Variants in ATRNL1 observed in about 807,000 individuals in gnomAD.
ATRNL1 encodes the protein attractin like 1, also known as attractin-like protein 1.
In ATRNL1, 95 loss-of-function variants were observed where a neutral mutation model predicts 182.7. The observed-to-expected ratio is 0.52, with a 90% confidence interval of 0.44 to 0.62. The LOEUF (loss-of-function observed/expected upper bound fraction) is 0.62. Ranked by LOEUF, ATRNL1 falls within the 20% of genes least tolerant of loss-of-function variation. ATRNL1 has a pLI of 0.00. For synonymous variants in ATRNL1, 576 were observed against 568.3 expected (o/e 1.01, Z -0.19); for missense variants, 1,471 against 1,679.5 (o/e 0.88, Z 2.17).
chr10:115,598,106 G>A (rs1333130982), intron 26 of ATRNL1: 1 of 152,488 alleles, frequency 6.6e-6, no homozygotes, highest in Non-Finnish European at 1.5e-5. Context: ...TGCATGGTAG[G>A]TGAGGAAGGA....
chr10:115,775,393 A>G (rs1949097937), intron 27 of ATRNL1, among the ~76,000 whole-genome samples: 1 of 152,188 alleles, frequency 6.6e-6, no homozygotes, highest in Non-Finnish European at 1.5e-5. Flanking sequence ...TTCTTTCTTA[A>G]TAGATTGACT....
intron 26 of ATRNL1, among the ~76,000 whole-genome samples, chr10:115,702,078 G>C (rs1946755411): frequency 6.6e-6 from 1 of 151,876 alleles, no homozygotes; most frequent in Admixed American, 6.6e-5. Context: ...CACCATGATT[G>C]AGTAGCTACA....
intron 26 of ATRNL1, among the ~76,000 whole-genome samples, chr10:115,588,817 AAGG>A (rs1413611711): frequency 8.5e-5 from 13 of 152,172 alleles, no homozygotes; most frequent in Admixed American, 8.5e-4. Context: ...GCATCTATGG[AAGG>A]AGGGAAAATC....
intron 25 of ATRNL1, among the ~76,000 whole-genome samples, chr10:115,543,114 C>A (rs1852453018): frequency 6.6e-6 from 1 of 150,736 alleles, no homozygotes; most frequent in African/African-American, 2.4e-5. Flanking sequence ...TTCTTTATAC[C>A]AGTTTGAGTT....
chr10:115,529,240 C>G (rs1158788347), intron 25 of ATRNL1, among the ~76,000 whole-genome samples: 3 of 151,858 alleles, frequency 2.0e-5, no homozygotes, highest in African/African-American at 7.2e-5. Flanking sequence ...TTGGATTTCT[C>G]TCTGTTCCTA....
rs1346745557 is a variant in ATRNL1, at chr10:115,560,995, CAAAT to C, written c.3795+11463_3795+11466del. On this transcript the variant is annotated intron_variant, in intron 26 of 28. Coordinates refer to ENST00000355044, the MANE Select transcript of ATRNL1 (RefSeq NM_207303.4). ...GACCCATTACTCGTATCACCATACA[CAAAT>C]AAAGTCAATAGGAATCGATACACCA... Among the ~76,000 whole-genome samples, 131 of 152,086 alleles carry C rather than the reference CAAAT, an allele frequency of 8.6e-4. 2 individuals are homozygous for C. The highest frequency in any genetic ancestry group is 3.5e-4 in the Non-Finnish European group (24 of 68,024).
chr10:115,251,363 G>C (rs985732000), intron 10 of ATRNL1, among the ~76,000 whole-genome samples: 20 of 152,174 alleles, frequency 1.3e-4, no homozygotes, highest in African/African-American at 4.1e-4. Context: ...AATGTGGTAG[G>C]TGTTGTGCCA....
chr10:115,841,274 A>G (rs1457587018), intron 27 of ATRNL1, among the ~76,000 whole-genome samples: 1 of 152,188 alleles, frequency 6.6e-6, no homozygotes, highest in East Asian at 1.9e-4. Context: ...AGCTGTCACA[A>G]TCCAGCCTCT....
chr10:115,223,927 A>ATT, intron 9 of ATRNL1, among the ~76,000 whole-genome samples: 2 of 38,176 alleles, frequency 5.2e-5, no homozygotes, highest in South Asian at 6.7e-4. Context: ...ATATATATAT[A>ATT]TATTTTTTTT....
At chr10:115,593,215 T>TATGA (rs1856019716) in intron 26 of ATRNL1, among the ~76,000 whole-genome samples, 1 of 152,222 alleles carries the variant, frequency 6.6e-6, no homozygotes, top group Admixed American at 6.5e-5. Context: ...ACTCCCTTGA[T>TATGA]ATGAACATCA....
chr10:115,521,527 A>G (rs1554985200), intron 25 of ATRNL1, among the ~76,000 whole-genome samples: 2 of 152,198 alleles, frequency 1.3e-5, no homozygotes, highest in African/African-American at 2.4e-5. Context: ...AAATTTCACA[A>G]AGTTGAATAT....
rs138233063 is a variant in ATRNL1 at position 115,289,426 on chromosome 10, C to G, written c.2415+3029C>G. Among the ~76,000 whole-genome samples, 832 of 152,170 alleles carry G rather than the reference C, an allele frequency of 5.5e-3. 11 individuals carry two copies. Among genetic ancestry groups the G allele is most frequent in the African/African-American group, 0.019 (800 of 41,506 alleles). On this transcript the variant is annotated intron_variant, in intron 15 of 28. Transcript: ENST00000355044. ...TTTATTTTTGCTTTAGTTTCCTGTG[C>G]TTTTGAGGTCTTGTTCATAAAATCT...
intron 24 of ATRNL1, among the ~76,000 whole-genome samples, chr10:115,490,772 T>C (rs1849260206): frequency 6.6e-6 from 1 of 152,172 alleles, no homozygotes; most frequent in South Asian, 2.1e-4. Flanking sequence ...GTTCCCTTGC[T>C]GGTGAGGAGT....
At chr10:115,270,897 A>G (rs1322546586) in intron 13 of ATRNL1, among the ~76,000 whole-genome samples, 2 of 152,154 alleles carry the variant, frequency 1.3e-5, no homozygotes, top group African/African-American at 4.8e-5. Context: ...ACCTATACAT[A>G]TCTACATAAA....
At chr10:115,286,131 C>G in intron 14 of ATRNL1, 85 bp from the exon 15 acceptor site, 1 of 637,934 alleles carries the variant, frequency 1.6e-6, no homozygotes, top group South Asian at 2.1e-5. Flanking sequence ...ATAATTTAAA[C>G]AAATACAGAA....
At chr10:115,576,717 A>G (rs1555005323) in intron 26 of ATRNL1, among the ~76,000 whole-genome samples, 1 of 151,942 alleles carries the variant, frequency 6.6e-6, no homozygotes, top group African/African-American at 2.4e-5. Flanking sequence ...TTATTTTGCT[A>G]TGCGGAAGTA....
chr10:115,210,629 T>G (rs551189774), intron 8 of ATRNL1, among the ~76,000 whole-genome samples: 5 of 151,916 alleles, frequency 3.3e-5, no homozygotes, highest in African/African-American at 1.2e-4. Flanking sequence ...TTGTTTTCTG[T>G]TTTTTTCCTT....
intron 27 of ATRNL1, among the ~76,000 whole-genome samples, chr10:115,822,844 C>A (rs1555090849): frequency 6.6e-6 from 1 of 152,090 alleles, no homozygotes; most frequent in African/African-American, 2.4e-5. Context: ...CCGAATTCTA[C>A]CAGAGGTACA....
At chr10:115,572,496 G>A (rs1854457867) in intron 26 of ATRNL1, among the ~76,000 whole-genome samples, 1 of 152,108 alleles carries the variant, frequency 6.6e-6, no homozygotes, top group Admixed American at 6.5e-5. Flanking sequence ...CTAGGTACAT[G>A]GTGGTACCTT....
Sources: gnomAD v4.1 joint callset for allele counts (sites outside exome capture counted in the v4.1 genomes callset) on GRCh38, gnomAD v4.1.1 for gene constraint, MANE v1.5 for transcripts, NCBI Gene and HGNC (gene_info 2026-07-23, HGNC 2026-07-21) for gene names.